Variants in DACT1 observed in about 807,000 individuals in gnomAD.
DACT1 encodes the protein dishevelled binding antagonist of beta catenin 1, also known as dapper homolog 1.
In DACT1, 19 loss-of-function variants were observed where a neutral mutation model predicts 35.3. The observed-to-expected ratio is 0.54, with a 90% CI of 0.38 to 0.79. The LOEUF (loss-of-function observed/expected upper bound fraction) is 0.79, where lower values mean the gene tolerates loss of function less well. DACT1 is among the 30% of genes least tolerant of loss of function. The probability of loss-of-function intolerance (pLI) is 0.00; values close to 1 mark genes in which losing one functional copy is unlikely to be tolerated. For missense variants in DACT1, 1,143 were observed against 1,057.5 expected, an observed-to-expected ratio of 1.08 and a Z score of -1.12; for synonymous variants, 545 against 466.7, an observed-to-expected ratio of 1.17 and a Z score of -2.16.
rs1311446485 is a variant in DACT1, at chr14:58,645,935, G to A, written c.1201G>A (p.Gly401Ser). Reference protein sequence around the residue: ...AESKRVPLPEGCPSGAASDLQ... With the variant: ...AESKRVPLPESCPSGAASDLQ... ...AAGCAAGAGGGTGCCCCTGCCAGAG[G>A]GCTGCCCCTCAGGCGCTGCCTCCGA... The change falls in exon 4 of 4, where the codon GGC becomes AGC. Residue 401 changes from glycine (G) to serine (S), a missense_variant. By Grantham distance (56) the Gly-to-Ser change is moderately conservative. Around this residue, in one of 3 missense-constraint regions of DACT1, gnomAD observed 1,054 missense variants for 958.8 expected, o/e 1.10. Transcript: ENST00000395153. The A allele has an allele frequency of 9.3e-6, 15 of 1,614,022 alleles. No individual in the cohort carries two copies. Among genetic ancestry groups the A allele is most frequent in the Admixed American group, 1.7e-5 (1 of 60,024 alleles).
At chr14:58,640,709 A>G in intron 1 of DACT1, 27 bp from the exon 2 acceptor site, 1 of 1,613,608 alleles carries the variant, frequency 6.2e-7, no homozygotes, top group Non-Finnish European at 8.5e-7. Flanking sequence ...CTGTATGTTC[A>G]TGTTTCCTTT....
chr14:58,635,612 T>C (rs1266450127), upstream of DACT1, among the ~76,000 whole-genome samples: 6 of 140,518 alleles, frequency 4.3e-5, no homozygotes, highest in Admixed American at 3.3e-4. Flanking sequence ...CACTTTTTCA[T>C]GGAGATATAC....
chr14:58,638,107 C>A lies in DACT1; in HGVS notation c.-96C>A. ...GCCAGCGCCGCGCCCCGCCACAGGG[C>A]GGCATGAGCCCACCCGCGGCCGCAG... On this transcript the variant is annotated 5_prime_UTR_variant, in exon 1 of 4. Transcript: ENST00000395153. 8.5e-7 allele frequency: 1 copy of A among 1,174,702 alleles called. No homozygotes were observed. The allele number at this position is 1,174,702 out of a possible 1,614,324, so 72.8% of individuals were successfully genotyped here.
At chr14:58,637,952 C>T (rs1318284387), upstream of DACT1, 4 of 223,094 alleles carry the variant, frequency 1.8e-5, no homozygotes, top group Non-Finnish European at 3.4e-5. Flanking sequence ...GACGTAGCGC[C>T]GGGCAGGGCG....
upstream of DACT1, among the ~76,000 whole-genome samples, chr14:58,635,934 A>C (rs1200594993): frequency 1.3e-5 from 2 of 152,322 alleles, no homozygotes; most frequent in South Asian, 2.1e-4. Context: ...GACAGAGGAC[A>C]TGGGTGAGTG....
At chr14:58,645,251 T>G in intron 3 of DACT1, 118 bp from the exon 4 acceptor site, 1 of 1,611,374 alleles carries the variant, frequency 6.2e-7, no homozygotes, top group African/African-American at 1.3e-5. Flanking sequence ...CTTTAACTGT[T>G]TTTCAGATCT....
intron 2 of DACT1, 107 bp downstream of exon 2, chr14:58,640,975 T>G: frequency 8.0e-7 from 1 of 1,243,110 alleles, no homozygotes; most frequent in Non-Finnish European, 1.1e-6. Context: ...TTGTTTCCAG[T>G]GCAGAGAGGA....
rs1434211011 is a variant in DACT1 at position 58,638,243 on chromosome 14, C to T, written c.41C>T (p.Pro14Leu). The change falls in exon 1 of 4, where the codon CCT becomes CTT. Residue 14 changes from proline (P) to leucine (L), a missense_variant. Transcript: ENST00000395153. ...SPAGTAKELEPPAPARGEQRT... is the reference protein window; with the variant it reads ...SPAGTAKELELPAPARGEQRT... ...GCCGGGACGGCGAAGGAGCTGGAGC[C>T]TCCGGCGCCGGCCCGAGGCGAGCAG... 2 of 1,366,470 alleles carry T rather than the reference C, an allele frequency of 1.5e-6. No individual in the cohort carries two copies. Among genetic ancestry groups the T allele is most frequent in the South Asian group, 3.3e-5 (2 of 60,014 alleles). 84.6% of individuals were successfully genotyped at this position (1,366,470 alleles called of 1,614,324 possible).
chr14:58,647,302 G>A lies in DACT1; in HGVS notation c.*168G>A, dbSNP rs566744543. On this transcript the variant is annotated 3_prime_UTR_variant, in exon 4 of 4. Transcript: ENST00000395153. ...TTCATCTTCACGTATGGATGCTAGTGCCTTTAATGGAAGGTAAAGAATGTT... is the reference window on the plus strand; with the variant it reads ...TTCATCTTCACGTATGGATGCTAGTACCTTTAATGGAAGGTAAAGAATGTT... 7 of 753,402 alleles carry A rather than the reference G, an allele frequency of 9.3e-6. No individual in the cohort carries two copies. The African/African-American group carries it at 1.1e-4, about 11-fold the overall frequency. The allele number at this position is 753,402 out of a possible 1,614,324, so 46.7% of individuals were successfully genotyped here. A position where few individuals can be genotyped will look rare whatever the true frequency, so the allele number is the denominator to read the frequency against.
chr14:58,646,373 C>A lies in DACT1; in HGVS notation c.1639C>A (p.Leu547Met), dbSNP rs1244480510. 2 of 1,605,008 alleles carry A rather than the reference C, an allele frequency of 1.2e-6. No individual in the cohort carries two copies. Among genetic ancestry groups the A allele is most frequent in the African/African-American group, 1.3e-5 (1 of 74,196 alleles). Residue 547 changes from leucine (L) to methionine (M), a missense_variant, in exon 4 of 4, where the codon CTG (leucine) becomes ATG (methionine). Leu to Met is a conservative substitution (Grantham distance 15). Around this residue, in one of 3 missense-constraint regions of DACT1, gnomAD observed 1,054 missense variants for 958.8 expected, o/e 1.10. Coordinates refer to ENST00000395153, the MANE Select transcript of DACT1 (RefSeq NM_001079520.2). ...RNMGVVKNSSLKHRGPALQGL... is the reference protein window; with the variant it reads ...RNMGVVKNSSMKHRGPALQGL... ...CATGGGCGTCGTGAAGAACTCCAGC[C>A]TGAAGCACCGCGGCCCAGCCCTCCA...
At chr14:58,645,302 C>G in intron 3 of DACT1, 67 bp from the exon 4 acceptor site, 2 of 1,614,154 alleles carry the variant, frequency 1.2e-6, no homozygotes, top group South Asian at 2.2e-5. Context: ...CTGTGAAGAC[C>G]AGGCCTCAGG....
chr14:58,647,325 G>A lies in DACT1; in HGVS notation c.*191G>A. The A allele has an allele frequency of 1.5e-6, 1 of 678,006 alleles. No individual in the cohort carries two copies. The highest frequency in any genetic ancestry group is 2.4e-6 in the Non-Finnish European group (1 of 408,354). The allele number at this position is 678,006 out of a possible 1,614,324, so 42.0% of individuals were successfully genotyped here. Reference sequence around the variant, plus strand: ...GTGCCTTTAATGGAAGGTAAAGAATGTTTTGCTAGTTAGAAGTACATATTG... The same window carrying A: ...GTGCCTTTAATGGAAGGTAAAGAATATTTTGCTAGTTAGAAGTACATATTG... On this transcript the variant is annotated 3_prime_UTR_variant, in exon 4 of 4. Transcript: ENST00000395153.
In DACT1 at chr14:58,645,925, C is replaced by T. The variant is rs376695215; in HGVS notation, c.1191C>T (p.Pro397=). 19 of 1,613,986 alleles carry T rather than the reference C, an allele frequency of 1.2e-5. No individual in the cohort carries two copies. The highest frequency in any genetic ancestry group is 1.7e-5 in the Admixed American group (1 of 60,006). ...KAEQAESKRV[P]LPEGCPSGAA... ...AACAAGCCGAAAGCAAGAGGGTGCC[C>T]CTGCCAGAGGGCTGCCCCTCAGGCG... Residue 397 remains proline (P), a synonymous_variant, in exon 4 of 4, where the codon CCC becomes CCT. Transcript: ENST00000395153.
chr14:58,636,898 A>C (rs190287508), upstream of DACT1, among the ~76,000 whole-genome samples: 1 of 152,012 alleles, frequency 6.6e-6, no homozygotes, highest in African/African-American at 2.4e-5. Flanking sequence ...TGACCAATAC[A>C]TGATACTTCA....
chr14:58,636,015 A>G (rs993402674), upstream of DACT1, among the ~76,000 whole-genome samples: 1 of 152,218 alleles, frequency 6.6e-6, no homozygotes, highest in African/African-American at 2.4e-5. Context: ...ATTAGTTCCT[A>G]TATTATAAAG....
rs867739237 is a variant in DACT1 at position 58,638,258 on chromosome 14, G to A, written c.56G>A (p.Arg19Gln). The A allele has an allele frequency of 6.6e-6, 9 of 1,367,226 alleles. No individual in the cohort carries two copies. The African/African-American group carries it at 1.2e-4, about 19-fold the overall frequency. 84.7% of individuals were successfully genotyped at this position (1,367,226 alleles called of 1,614,324 possible). A position where few individuals can be genotyped will look rare whatever the true frequency, so the allele number is the denominator to read the frequency against. The stretch of plus-strand genomic sequence containing the variant: ...GAGCTGGAGCCTCCGGCGCCGGCCC[G>A]AGGCGAGCAGCGCACGGCGGAGCCC... ...AKELEPPAPARGEQRTAEPEG... is the reference protein window; with the variant it reads ...AKELEPPAPAQGEQRTAEPEG... The change falls in exon 1 of 4, where the codon CGA becomes CAA. Residue 19 changes from arginine to glutamine, a missense_variant. Around this residue, in one of 3 missense-constraint regions of DACT1, gnomAD observed 85 missense variants for 81.8 expected, o/e 1.04. Transcript: ENST00000395153.
At position 58,645,413 on chromosome 14, in the gene DACT1, A is replaced by G; in HGVS notation, c.679A>G (p.Asn227Asp). The G allele has an allele frequency of 6.2e-7, 1 of 1,614,224 alleles. No individual in the cohort carries two copies. Among genetic ancestry groups the G allele is most frequent in the Non-Finnish European group, 8.5e-7 (1 of 1,180,040 alleles). Residue 227 changes from asparagine to aspartate, a missense_variant, in exon 4 of 4, where the codon AAT (asparagine) becomes GAT (aspartate). Coordinates refer to ENST00000395153, the MANE Select transcript of DACT1 (RefSeq NM_001079520.2). ...GTGTGATCTGGTGTCTAAAAACGGGAATGATGTATATCGCTATCCCAGTCC... is the reference window on the plus strand; with the variant it reads ...GTGTGATCTGGTGTCTAAAAACGGGGATGATGTATATCGCTATCCCAGTCC... ...YQCDLVSKNG[N>D]DVYRYPSPLH...
intron 2 of DACT1, among the ~76,000 whole-genome samples, chr14:58,641,113 A>G (rs1450087645): frequency 3.9e-5 from 6 of 152,212 alleles, no homozygotes; most frequent in South Asian, 2.1e-4. Flanking sequence ...AAGCTATTCA[A>G]ATTTCTGCAA....
At chr14:58,640,149 T>C (rs1157383321) in intron 1 of DACT1, among the ~76,000 whole-genome samples, 1 of 152,234 alleles carries the variant, frequency 6.6e-6, no homozygotes. Flanking sequence ...GGCGTTCAAA[T>C]CTCGATGGGC....
Sources: gnomAD v4.1 joint callset for allele counts (sites outside exome capture counted in the v4.1 genomes callset) on GRCh38, gnomAD v4.1.1 for gene constraint, gnomAD v4.1.1 regional missense constraint, MANE v1.5 for transcripts, NCBI Gene and HGNC (gene_info 2026-07-23, HGNC 2026-07-21) for gene names.